Variants in PIP5K1B observed in about 807,000 individuals in gnomAD.
PIP5K1B encodes phosphatidylinositol 4-phosphate 5-kinase type-1 beta.
PIP5K1B carries 42 observed loss-of-function variants against 67.0 expected under a neutral mutation model. The ratio of observed to expected loss-of-function variants is 0.63; its 90% CI spans 0.49 to 0.81. The LOEUF (loss-of-function observed/expected upper bound fraction) is 0.81, where lower values mean the gene tolerates loss of function less well. Ranked by LOEUF, PIP5K1B falls within the 30% of genes least tolerant of loss-of-function variation. The pLI, the probability that PIP5K1B is intolerant of heterozygous loss-of-function variation, is 0.00. For synonymous variants in PIP5K1B, 214 were observed against 231.4 expected, an observed-to-expected ratio of 0.92 and a Z score of 0.68; for missense variants, 459 against 646.3, an observed-to-expected ratio of 0.71 and a Z score of 3.14.
chr9:68,959,469 TCACCAAAGGCAAC>T (rs1828594815), intron 14 of PIP5K1B, among the ~76,000 whole-genome samples: 1 of 152,202 alleles, frequency 6.6e-6, no homozygotes, highest in Admixed American at 6.5e-5. Context: ...TATTTCCTCC[TCACCAAAGGCAAC>T]CACCTTTTTC....
intron 5 of PIP5K1B, among the ~76,000 whole-genome samples, chr9:68,872,211 C>CACACAGTA (rs1364880926): frequency 6.6e-6 from 1 of 152,210 alleles, no homozygotes; most frequent in Non-Finnish European, 1.5e-5. Context: ...CCCACATCTA[C>CACACAGTA]ACACAGTAAA....
At chr9:69,001,269 T>C (rs1034353122) in intron 15 of PIP5K1B, among the ~76,000 whole-genome samples, 4 of 151,974 alleles carry the variant, frequency 2.6e-5, no homozygotes, top group Non-Finnish European at 5.9e-5. Flanking sequence ...GTGCATTCCT[T>C]CCTGTGGGTG....
intron 14 of PIP5K1B, among the ~76,000 whole-genome samples, chr9:68,980,990 A>C (rs185300502): frequency 6.6e-6 from 1 of 152,204 alleles, no homozygotes; most frequent in Non-Finnish European, 1.5e-5. Context: ...GGCAGTATAC[A>C]ATATTTATAT....
At chr9:68,839,442 C>T (rs1241949722) in intron 4 of PIP5K1B, among the ~76,000 whole-genome samples, 1 of 151,966 alleles carries the variant, frequency 6.6e-6, no homozygotes, top group East Asian at 1.9e-4. Flanking sequence ...TTCGAGAAAA[C>T]CTGAGTTGGT....
At chr9:68,767,551 G>A (rs566826986) in intron 2 of PIP5K1B, among the ~76,000 whole-genome samples, 107 of 146,648 alleles carry the variant, frequency 7.3e-4, no homozygotes, top group African/African-American at 2.3e-3. Context: ...CCGAGACTGC[G>A]CCACTGCACT....
intron 15 of PIP5K1B, among the ~76,000 whole-genome samples, chr9:68,994,394 TA>T (rs1726428632): frequency 6.6e-6 from 1 of 152,176 alleles, no homozygotes; most frequent in African/African-American, 2.4e-5. Flanking sequence ...ATATGTTAAA[TA>T]ATGTTTTTAT....
intron 2 of PIP5K1B, among the ~76,000 whole-genome samples, chr9:68,792,604 G>A (rs1832042684): frequency 6.6e-6 from 1 of 151,894 alleles, no homozygotes; most frequent in African/African-American, 2.4e-5. Context: ...TCAGCCTCCC[G>A]AGTAGGTGGG....
chr9:68,887,979 C>CTTT (rs71353088), intron 6 of PIP5K1B, among the ~76,000 whole-genome samples: 1 of 107,170 alleles, frequency 9.3e-6, no homozygotes, highest in Admixed American at 1.0e-4. Context: ...GGAATCCAGC[C>CTTT]TTTTTTTTTT....
chr9:68,851,552 G>A (rs1822482907), intron 4 of PIP5K1B, among the ~76,000 whole-genome samples: 1 of 152,204 alleles, frequency 6.6e-6, no homozygotes, highest in African/African-American at 2.4e-5. Context: ...TTCATACTGG[G>A]AGACGGGAGT....
chr9:68,731,394 G>A (rs1828424089), intron 1 of PIP5K1B, among the ~76,000 whole-genome samples: 1 of 152,226 alleles, frequency 6.6e-6, no homozygotes, highest in South Asian at 2.1e-4. Flanking sequence ...AAATGAGGCT[G>A]ATGTTGACCA....
At chr9:68,737,849 G>A (rs1286139265) in intron 1 of PIP5K1B, among the ~76,000 whole-genome samples, 7 of 152,188 alleles carry the variant, frequency 4.6e-5, no homozygotes, top group Non-Finnish European at 8.8e-5. Flanking sequence ...CTACTAATGC[G>A]TAGTGACCAA....
intron 14 of PIP5K1B, among the ~76,000 whole-genome samples, chr9:68,983,639 T>C (rs1829981583): frequency 6.6e-6 from 1 of 152,236 alleles, no homozygotes; most frequent in Non-Finnish European, 1.5e-5. Flanking sequence ...GGATACTCAA[T>C]AACTATTTGC....
chr9:68,998,802 A>C (rs1830697060), intron 15 of PIP5K1B, among the ~76,000 whole-genome samples: 1 of 152,188 alleles, frequency 6.6e-6, no homozygotes, highest in Non-Finnish European at 1.5e-5. Context: ...GGGGAATGGG[A>C]AAATGCTTAA....
intron 1 of PIP5K1B, chr9:68,707,797 G>C (rs547585076): frequency 5.9e-5 from 9 of 152,304 alleles, no homozygotes; most frequent in African/African-American, 2.2e-4. Flanking sequence ...TGTTAAGCAT[G>C]CCCCCAGTGA....
intron 6 of PIP5K1B, among the ~76,000 whole-genome samples, chr9:68,877,700 T>C (rs1185672135): frequency 2.0e-5 from 3 of 152,172 alleles, no homozygotes; most frequent in Non-Finnish European, 4.4e-5. Context: ...CTGATTCTAC[T>C]CTGTGCTGAT....
intron 14 of PIP5K1B, among the ~76,000 whole-genome samples, chr9:68,944,586 A>G (rs569806539): frequency 6.6e-6 from 1 of 152,346 alleles, no homozygotes; most frequent in East Asian, 1.9e-4. Flanking sequence ...GAGAAGGGCA[A>G]AAATGTCAGA....
intron 11 of PIP5K1B, among the ~76,000 whole-genome samples, chr9:68,921,590 T>G (rs2152649): frequency 0.66 from 99,747 of 152,052 alleles, 35,588 homozygotes; most frequent in Non-Finnish European, 0.78. Context: ...TTTCTCTATT[T>G]AAAACCCAAC....
rs11143456 is a variant in PIP5K1B at position 68,705,252 on chromosome 9, C to G, written c.-753C>G. Among the ~76,000 whole-genome samples, 78,793 of 151,654 alleles carry G rather than the reference C, an allele frequency of 0.52. 20,712 individuals carry two copies. Among genetic ancestry groups the G allele is most frequent in the South Asian group, 0.65 (3,143 of 4,828 alleles). ...CGCGCAGCCGGCTCTCTCTGCGCCT[C>G]GCTCCGACTCCGGCGCGCACCAAGC... On this transcript the variant is annotated 5_prime_UTR_variant, in exon 1 of 16. Coordinates refer to ENST00000265382, the MANE Select transcript of PIP5K1B (RefSeq NM_003558.4).
intron 4 of PIP5K1B, among the ~76,000 whole-genome samples, chr9:68,863,016 A>T (rs1416579579): frequency 1.3e-5 from 2 of 152,100 alleles, no homozygotes; most frequent in Non-Finnish European, 2.9e-5. Flanking sequence ...GAAAGAAAGT[A>T]TCTTTTCTAT....
Sources: gnomAD v4.1 joint callset for allele counts (sites outside exome capture counted in the v4.1 genomes callset) on GRCh38, gnomAD v4.1.1 for gene constraint, MANE v1.5 for transcripts, NCBI Gene and HGNC (gene_info 2026-07-23, HGNC 2026-07-21) for gene names.